The following KLF13 variants were observed in gnomAD, a reference collection of about 807,000 sequenced individuals.
The protein encoded by KLF13 is Krueppel-like factor 13.
KLF13 carries 8 observed loss-of-function variants against 16.7 expected under a neutral mutation model. That is an observed-to-expected ratio of 0.48 (90% CI 0.28 to 0.87). KLF13 has a LOEUF of 0.87. Ranked by LOEUF, KLF13 falls within the 40% of genes least tolerant of loss-of-function variation. The pLI is 0.10. For synonymous variants in KLF13, 245 were observed against 208.4 expected (o/e 1.18, Z -1.51); for missense variants, 447 against 452.2 (o/e 0.99, Z 0.10).
rs575588340 is a variant in KLF13, at chr15:31,338,772, T to A, written c.577+10983T>A. 2.3e-3 allele frequency among the ~76,000 whole-genome samples: 345 copies of A among 152,148 alleles called. 1 individual carries two copies. Among genetic ancestry groups the A allele is most frequent in the African/African-American group, 7.9e-3 (329 of 41,502 alleles). On this transcript the variant is annotated intron_variant, in intron 1 of 1. Transcript: ENST00000307145. ...TCCTGGCCCTGGCCGGGTTAATGGA[T>A]GGGAACTGAGCTCCTTGGCTGCCAA... is the stretch of plus-strand genomic sequence containing the variant.
chr15:31,430,876 T>C (rs2040463748), intron 1 of KLF13, among the ~76,000 whole-genome samples: 1 of 152,204 alleles, frequency 6.6e-6, no homozygotes, highest in African/African-American at 2.4e-5. Context: ...ACACTGCTGG[T>C]GGTAGAATCT....
chr15:31,389,024 T>C (rs1425494572), upstream of KLF13, among the ~76,000 whole-genome samples: 1 of 152,148 alleles, frequency 6.6e-6, no homozygotes, highest in Non-Finnish European at 1.5e-5. Context: ...CCGTTGACCA[T>C]TGAACAACAT....
chr15:31,383,522 C>T (rs1027032258), intron 1 of KLF13, among the ~76,000 whole-genome samples: 3 of 152,320 alleles, frequency 2.0e-5, no homozygotes, highest in African/African-American at 7.2e-5. Context: ...AGGACAGGGT[C>T]GCACTCACAC....
chr15:31,366,200 C>T (rs1404557516), intron 1 of KLF13: 1 of 150,822 alleles, frequency 6.6e-6, no homozygotes, highest in African/African-American at 2.4e-5. Flanking sequence ...TGCTTGGCAC[C>T]TGTAGGACCC....
At chr15:31,400,802 G>A (rs1211851574) in intron 2 of KLF13, among the ~76,000 whole-genome samples, 1 of 152,150 alleles carries the variant, frequency 6.6e-6, no homozygotes, top group East Asian at 1.9e-4. Flanking sequence ...TCGGACCAGA[G>A]TCAGTTGTGC....
downstream of KLF13, among the ~76,000 whole-genome samples, chr15:31,405,564 T>C (rs1490702997): frequency 6.6e-6 from 1 of 152,206 alleles, no homozygotes; most frequent in African/African-American, 2.4e-5. Flanking sequence ...AACATCTTGC[T>C]AGGAAATAGA....
chr15:31,407,760 A>G (rs2140998809), downstream of KLF13, among the ~76,000 whole-genome samples: 1 of 152,342 alleles, frequency 6.6e-6, no homozygotes, highest in Non-Finnish European at 1.5e-5. Flanking sequence ...ATACTATAAA[A>G]TGAACCACAT....
downstream of KLF13, among the ~76,000 whole-genome samples, chr15:31,409,204 G>C (rs1360487913): frequency 6.6e-6 from 1 of 152,002 alleles, no homozygotes; most frequent in Non-Finnish European, 1.5e-5. Flanking sequence ...AGAATTTCTT[G>C]AACCCAGGAG....
chr15:31,351,660 G>C (rs1184403886), intron 1 of KLF13, among the ~76,000 whole-genome samples: 1 of 152,210 alleles, frequency 6.6e-6, no homozygotes, highest in African/African-American at 2.4e-5. Context: ...CAAGGCATGA[G>C]AGCGCCCAGG....
chr15:31,350,478 C>T (rs1418412497), intron 1 of KLF13, among the ~76,000 whole-genome samples: 1 of 152,238 alleles, frequency 6.6e-6, no homozygotes, highest in Non-Finnish European at 1.5e-5. Context: ...GGATGCTCCA[C>T]TTTGCTTCCG....
intron 1 of KLF13, among the ~76,000 whole-genome samples, chr15:31,349,773 C>T (rs12905179): frequency 6.6e-6 from 1 of 152,202 alleles, no homozygotes; most frequent in Non-Finnish European, 1.5e-5. Flanking sequence ...TGCTTTAAGC[C>T]TGTTTCTCCT....
At chr15:31,336,812 G>T (rs1054393519) in intron 1 of KLF13, among the ~76,000 whole-genome samples, 2 of 152,138 alleles carry the variant, frequency 1.3e-5, no homozygotes, top group Admixed American at 1.3e-4. Context: ...TATTCACCTG[G>T]GCCACTGGCT....
intron 1 of KLF13, among the ~76,000 whole-genome samples, chr15:31,425,921 C>A (rs139954736): frequency 2.6e-4 from 39 of 152,312 alleles, no homozygotes; most frequent in African/African-American, 8.7e-4. Flanking sequence ...ACCCAAGTCA[C>A]CTCTTGAATG....
chr15:31,328,469 C>G (rs1439543386), intron 1 of KLF13, among the ~76,000 whole-genome samples: 2 of 152,034 alleles, frequency 1.3e-5, no homozygotes, highest in African/African-American at 4.8e-5. Flanking sequence ...CCCCGCCCAT[C>G]CGGCCCGGCG....
intron 1 of KLF13, among the ~76,000 whole-genome samples, chr15:31,360,891 G>A (rs2140956301): frequency 6.6e-6 from 1 of 152,332 alleles, no homozygotes; most frequent in East Asian, 1.9e-4. Context: ...TGAGCCTGCT[G>A]TGCACCTGGA....
chr15:31,354,093 C>T (rs756302007), intron 1 of KLF13, among the ~76,000 whole-genome samples: 10 of 152,244 alleles, frequency 6.6e-5, no homozygotes, highest in Non-Finnish European at 1.3e-4. Flanking sequence ...CCAATCCCTA[C>T]CCAGCTTGGC....
chr15:31,393,943 C>T (rs528817596), intron 2 of KLF13, among the ~76,000 whole-genome samples: 7 of 152,302 alleles, frequency 4.6e-5, no homozygotes, highest in Non-Finnish European at 1.0e-4. Context: ...CAAGCCTGGA[C>T]TGCCTTTGCC....
chr15:31,360,078 G>T (rs1439039746), intron 1 of KLF13, among the ~76,000 whole-genome samples: 1 of 152,208 alleles, frequency 6.6e-6, no homozygotes, highest in African/African-American at 2.4e-5. Flanking sequence ...TGCAGAGGGG[G>T]TCACTCCAAC....
rs1239277477 is a variant in KLF13, at chr15:31,327,155, G to A, written c.-58G>A. On this transcript the variant is annotated 5_prime_UTR_variant, in exon 1 of 2. Coordinates refer to ENST00000307145, the MANE Select transcript of KLF13 (RefSeq NM_015995.4). ...CGCCCGCTCTCCCGAGGCCGTGGGT[G>A]CGGATGCGCGGCTGACGACTCGCAG... The A allele has an allele frequency of 4.8e-6, 6 of 1,253,094 alleles. No homozygotes were observed. Among genetic ancestry groups the A allele is most frequent in the Non-Finnish European group, 6.0e-6 (6 of 997,182 alleles). 77.6% of individuals were successfully genotyped at this position (1,253,094 alleles called of 1,614,324 possible).
Sources: allele counts gnomAD v4.1 joint callset (sites outside exome capture counted in the v4.1 genomes callset), GRCh38; gene constraint gnomAD v4.1.1; transcripts MANE v1.5; gene names NCBI Gene and HGNC (gene_info 2026-07-23, HGNC 2026-07-21).